The following CFI variants were observed in gnomAD, a reference collection of about 807,000 sequenced individuals.
CFI encodes complement factor I.
In CFI, 66 loss-of-function variants were observed where a neutral mutation model predicts 78.8. That is an observed-to-expected ratio of 0.84 (90% CI 0.69 to 1.03). The LOEUF is 1.03. Among genes scored for constraint, CFI ranks in the 50% least tolerant of loss-of-function variants. The pLI is 0.00. For missense variants in CFI, 706 were observed against 704.5 expected (o/e 1.00, Z -0.02); for synonymous variants, 250 against 232.6 (o/e 1.07, Z -0.68).
intron 10 of CFI, 64 bp from the exon 11 acceptor site, chr4:109,746,566 C>T (rs1352649861): frequency 1.5e-6 from 2 of 1,311,320 alleles, no homozygotes; most frequent in African/African-American, 3.0e-5. Flanking sequence ...AATTCTGACA[C>T]TTCACTTTTA....
chr4:109,791,841 A>G (rs941140849), intron 1 of CFI, among the ~76,000 whole-genome samples: 73 of 152,288 alleles, frequency 4.8e-4, no homozygotes, highest in African/African-American at 1.7e-3. Context: ...CTTTCGCTGC[A>G]TATCATATGT....
chr4:109,749,619 G>GATT lies in CFI; in HGVS notation c.941-20_941-18dup. The GATT allele has an allele frequency of 6.8e-7, 1 of 1,475,452 alleles. No homozygotes were observed. The highest frequency in any genetic ancestry group is 9.5e-7 in the Non-Finnish European group (1 of 1,054,014). 91.4% of individuals were successfully genotyped at this position (1,475,452 alleles called of 1,614,324 possible). A position where few individuals can be genotyped will look rare whatever the true frequency, so the allele number is the denominator to read the frequency against. ...GTCTTCTTTCTTCAAGAAAGGAAGA[G>GATT]ATTACATCATTATTATCTTGAACCC... On this transcript the variant is annotated splice_polypyrimidine_tract_variant and intron_variant, in intron 8 of 12. Transcript: ENST00000394634.
At chr4:109,780,987 G>A (rs2125845082) in intron 1 of CFI, among the ~76,000 whole-genome samples, 1 of 152,284 alleles carries the variant, frequency 6.6e-6, no homozygotes, top group South Asian at 2.1e-4. Context: ...TCACACACTG[G>A]GGCCTGTCAT....
chr4:109,781,401 A>G (rs187858687), intron 1 of CFI, among the ~76,000 whole-genome samples: 275 of 152,310 alleles, frequency 1.8e-3, no homozygotes, highest in Non-Finnish European at 3.2e-3. Context: ...CACATAAACT[A>G]GACTAGAAGA....
chr4:109,737,759 T>G (rs140241028), downstream of CFI, among the ~76,000 whole-genome samples: 49 of 152,266 alleles, frequency 3.2e-4, no homozygotes, highest in Non-Finnish European at 5.7e-4. Context: ...CTCTGGCTCT[T>G]TTGGAAATTC....
intron 1 of CFI, among the ~76,000 whole-genome samples, chr4:109,767,795 G>T (rs1413013434): frequency 1.3e-5 from 2 of 151,924 alleles, no homozygotes; most frequent in Admixed American, 6.6e-5. Context: ...TATACCCAAA[G>T]GATTATAAAT....
In CFI at chr4:109,761,719, T is replaced by C. The variant is rs747918007; in HGVS notation, c.483-27A>G. 7 of 1,573,766 alleles carry C rather than the reference T, an allele frequency of 4.4e-6. No homozygotes were observed. The East Asian group carries it at 6.7e-5, about 15-fold the overall frequency. On this transcript the variant is annotated intron_variant, in intron 3 of 12. Transcript: ENST00000394634. ...TGCAAATAGAATAAAGGAAACATTA[T>C]GGTAGAATAATTAGTACTTTGCATT...
chr4:109,746,648 G>GC (rs1724499360), intron 10 of CFI, 146 bp from the exon 11 acceptor site: 7 of 685,238 alleles, frequency 1.0e-5, no homozygotes, highest in Non-Finnish European at 1.7e-5. Context: ...GAAGCAATGA[G>GC]ATTAAATTTA....
chr4:109,765,884 C>T (rs1287795547), intron 2 of CFI, among the ~76,000 whole-genome samples: 3 of 151,956 alleles, frequency 2.0e-5, no homozygotes, highest in Non-Finnish European at 2.9e-5. Flanking sequence ...TTTGGGAGGC[C>T]GAGGCGGGCG....
intron 1 of CFI, among the ~76,000 whole-genome samples, chr4:109,785,471 G>A (rs1730622384): frequency 6.6e-6 from 1 of 151,620 alleles, no homozygotes; most frequent in African/African-American, 2.4e-5. Flanking sequence ...CATATATTAG[G>A]AGCACATATT....
At chr4:109,734,805 G>GA in the CFI span, among the ~76,000 whole-genome samples, 1 of 151,304 alleles carries the variant, frequency 6.6e-6, no homozygotes, top group Non-Finnish European at 1.5e-5. Context: ...GTCTGTCTAA[G>GA]AAAAAAGAAA....
the CFI span, among the ~76,000 whole-genome samples, chr4:109,733,057 C>T: frequency 9.2e-5 from 14 of 151,720 alleles, no homozygotes; most frequent in South Asian, 2.1e-4. Flanking sequence ...CTGCAACCTC[C>T]GCCTCCCAGG....
At position 109,774,640 on chromosome 4, in the gene CFI, C is replaced by A. The variant is rs1728994265; in HGVS notation, c.58-7816G>T. On this transcript the variant is annotated intron_variant, in intron 1 of 12. Transcript: ENST00000394634. ...AGACTGGCTTATACTCTGAATGAATCATAAAGCCCTTGGAGGGTGTAAACC... is the reference window on the plus strand; with the variant it reads ...AGACTGGCTTATACTCTGAATGAATAATAAAGCCCTTGGAGGGTGTAAACC... 2.0e-5 allele frequency among the ~76,000 whole-genome samples: 3 copies of A among 152,152 alleles called. No homozygotes were observed. The South Asian group carries it at 6.2e-4, about 32-fold the overall frequency.
At chr4:109,755,366 A>G (rs1266878249) in intron 7 of CFI, among the ~76,000 whole-genome samples, 1 of 152,196 alleles carries the variant, frequency 6.6e-6, no homozygotes, top group African/African-American at 2.4e-5. Flanking sequence ...CTAGTAATCA[A>G]ATTAAGGATA....
At chr4:109,785,182 C>T (rs1048454688) in intron 1 of CFI, among the ~76,000 whole-genome samples, 5 of 152,142 alleles carry the variant, frequency 3.3e-5, no homozygotes, top group Non-Finnish European at 1.5e-5. Context: ...GGACTCAGCC[C>T]GCCTGCACCC....
intron 10 of CFI, 65 bp downstream of exon 10, chr4:109,749,153 C>T: frequency 7.4e-7 from 1 of 1,356,262 alleles, no homozygotes. Flanking sequence ...TATCATCTGC[C>T]ACAATCTCTA....
In CFI at chr4:109,766,604, C is replaced by T. The variant is rs2126224351; in HGVS notation, c.278G>A (p.Cys93Tyr). 2 of 1,614,192 alleles carry T rather than the reference C, an allele frequency of 1.2e-6. No individual in the cohort carries two copies. Among genetic ancestry groups the T allele is most frequent in the Non-Finnish European group, 1.7e-6 (2 of 1,180,022 alleles). ...PTYCQQKSLECLHPGTKFLNN... is the reference protein window; with the variant it reads ...PTYCQQKSLEYLHPGTKFLNN... ...TAAAAACTTTGTCCCTGGATGAAGACATTCCAAACTCTTTTGTTGACAGTA... is the reference window on the plus strand; with the variant it reads ...TAAAAACTTTGTCCCTGGATGAAGATATTCCAAACTCTTTTGTTGACAGTA... Residue 93 changes from cysteine (C) to tyrosine (Y), a missense_variant, in exon 2 of 13, where the codon TGT (cysteine) becomes TAT (tyrosine). Coordinates refer to ENST00000394634, the MANE Select transcript of CFI (RefSeq NM_000204.5).
intron 1 of CFI, among the ~76,000 whole-genome samples, chr4:109,772,121 CA>C (rs1728685453): frequency 6.6e-6 from 1 of 152,184 alleles, no homozygotes; most frequent in Non-Finnish European, 1.5e-5. Context: ...TGGCTGTTAA[CA>C]AGGGCAACAT....
intron 2 of CFI, 42 bp downstream of exon 2, chr4:109,766,512 C>A (rs1333580775): frequency 1.2e-6 from 2 of 1,604,204 alleles, no homozygotes; most frequent in African/African-American, 1.3e-5. Flanking sequence ...TACAAATACC[C>A]TTTTATATCA....
Sources: gnomAD v4.1 joint callset for allele counts (sites outside exome capture counted in the v4.1 genomes callset) on GRCh38, gnomAD v4.1.1 for gene constraint, MANE v1.5 for transcripts, NCBI Gene and HGNC (gene_info 2026-07-23, HGNC 2026-07-21) for gene names.